NCAPD3: variants seen among roughly 807,000 people sequenced by gnomAD.
NCAPD3 encodes non-SMC condensin II complex subunit D3.
A neutral mutation model predicts 182.9 loss-of-function variants in NCAPD3; 105 were observed. The observed-to-expected ratio is 0.57, with a 90% confidence interval of 0.49 to 0.68. The LOEUF is 0.68. NCAPD3 is among the 30% of genes least tolerant of loss of function. The pLI, the probability that NCAPD3 is intolerant of heterozygous loss-of-function variation, is 0.00. For synonymous variants in NCAPD3, 815 were observed against 679.9 expected, an observed-to-expected ratio of 1.20 and a Z score of -3.09; for missense variants, 1,944 against 1,837.0, an observed-to-expected ratio of 1.06 and a Z score of -1.07.
chr11:134,167,968 G>C, intron 27 of NCAPD3, 28 bp downstream of exon 27: 1 of 1,606,266 alleles, frequency 6.2e-7, no homozygotes, highest in East Asian at 2.2e-5. Flanking sequence ...CTTGTGAGAA[G>C]ATGATCTTAG....
At chr11:134,215,459 T>A (rs1937979340) in intron 3 of NCAPD3, among the ~76,000 whole-genome samples, 1 of 152,230 alleles carries the variant, frequency 6.6e-6, no homozygotes, top group African/African-American at 2.4e-5. Context: ...GGCAAGGTTC[T>A]AGGATAGAAG....
rs140451768 is a variant in NCAPD3 at position 134,218,385 on chromosome 11, G to A, written c.220-1287C>T. Among the ~76,000 whole-genome samples the A allele has an allele frequency of 1.8e-3, 271 of 152,088 alleles. 1 individual carries two copies. The highest frequency in any genetic ancestry group is 3.4e-3 in the Middle Eastern group (1 of 294). Reference sequence around the variant, plus strand: ...TCTGTCCTGGCTGCTTCTCACCCTCGGTGATCTCATGCATCACTGTGCTTC... The same window carrying A: ...TCTGTCCTGGCTGCTTCTCACCCTCAGTGATCTCATGCATCACTGTGCTTC... On this transcript the variant is annotated intron_variant, in intron 2 of 34. Coordinates refer to ENST00000534548, the MANE Select transcript of NCAPD3 (RefSeq NM_015261.3).
intron 27 of NCAPD3, among the ~76,000 whole-genome samples, chr11:134,163,188 G>C (rs1043554920): frequency 6.6e-6 from 1 of 152,164 alleles, no homozygotes; most frequent in Non-Finnish European, 1.5e-5. Context: ...GAAGCCACCA[G>C]CATAGTTTTT....
intron 29 of NCAPD3, 23 bp from the exon 30 acceptor site, chr11:134,158,518 T>C (rs769792156): frequency 4.4e-5 from 71 of 1,606,426 alleles, no homozygotes; most frequent in Non-Finnish European, 5.7e-5. Context: ...ATAAAGAGTA[T>C]GTACATTCTA....
At chr11:134,172,504 CTTG>C (rs915821014) in intron 24 of NCAPD3, among the ~76,000 whole-genome samples, 2 of 152,200 alleles carry the variant, frequency 1.3e-5, no homozygotes, top group African/African-American at 2.4e-5. Flanking sequence ...CCAGGCCATC[CTTG>C]TTGTTGCCCC....
chr11:134,191,185 C>T (rs1300469521), intron 16 of NCAPD3, among the ~76,000 whole-genome samples: 1 of 152,102 alleles, frequency 6.6e-6, no homozygotes, highest in African/African-American at 2.4e-5. Context: ...AATAATGAGC[C>T]CATGTTTGTT....
chr11:134,208,667 A>G (rs1220913107), intron 7 of NCAPD3, among the ~76,000 whole-genome samples, 197 bp downstream of exon 7: 1 of 152,218 alleles, frequency 6.6e-6, no homozygotes, highest in African/African-American at 2.4e-5. Context: ...CCAAGTATTC[A>G]GATATAAAGT....
chr11:134,162,150 AGAAACATGTT>A (rs1943600754), intron 27 of NCAPD3, among the ~76,000 whole-genome samples: 1 of 152,252 alleles, frequency 6.6e-6, no homozygotes, highest in South Asian at 2.1e-4. Context: ...AAAAAGAATT[AGAAACATGTT>A]GAGTAGCTTT....
At chr11:134,162,745 T>A (rs1010751528) in intron 27 of NCAPD3, among the ~76,000 whole-genome samples, 1 of 152,216 alleles carries the variant, frequency 6.6e-6, no homozygotes, top group Non-Finnish European at 1.5e-5. Flanking sequence ...TGCATTCACT[T>A]GACAAGTATT....
At chr11:134,166,359 A>T (rs1280612706) in intron 27 of NCAPD3, among the ~76,000 whole-genome samples, 1 of 10,498 alleles carries the variant, frequency 9.5e-5, no homozygotes, top group Non-Finnish European at 1.4e-4. Context: ...TTGGGGGAGC[A>T]GCACACTCAC....
chr11:134,223,461 C>CA, intron 1 of NCAPD3: 1 of 702,534 alleles, frequency 1.4e-6, no homozygotes, highest in Non-Finnish European at 2.6e-6. Context: ...ATGATGTCTG[C>CA]ATGTGAGACA....
chr11:134,216,648 T>TA (rs1379187045), intron 3 of NCAPD3, among the ~76,000 whole-genome samples: 1 of 152,198 alleles, frequency 6.6e-6, no homozygotes, highest in African/African-American at 2.4e-5. Flanking sequence ...ATCAGAATTT[T>TA]AGACGGCCGT....
At chr11:134,177,188 G>T in intron 23 of NCAPD3, 31 bp downstream of exon 23, 1 of 1,508,444 alleles carries the variant, frequency 6.6e-7, no homozygotes, top group South Asian at 1.1e-5. Context: ...AATGGTGAAG[G>T]GGAAAGGACA....
chr11:134,161,812 G>T lies in NCAPD3; in HGVS notation c.3653C>A (p.Pro1218Gln), dbSNP rs1450749968. 6.3e-7 allele frequency: 1 copy of T among 1,589,050 alleles called. No homozygotes were observed. Among genetic ancestry groups the T allele is most frequent in the Admixed American group, 1.7e-5 (1 of 58,354 alleles). Reference sequence around the variant, plus strand: ...ATAGTGCATGAGTTCCCGCAAAGCTGGGATCTTATTTTTCTCCAGCACAGT... The same window carrying T: ...ATAGTGCATGAGTTCCCGCAAAGCTTGGATCTTATTTTTCTCCAGCACAGT... ...LKTVLEKNKI[P>Q]ALRELMHYLR... is the part of the protein sequence containing the mutation. The change falls in exon 28 of 35, where the codon CCA becomes CAA. Residue 1218 changes from proline (P) to glutamine (Q), a missense_variant. By Grantham distance (76) the Pro-to-Gln change is moderately conservative. Transcript: ENST00000534548.
At chr11:134,225,355 C>A, upstream of NCAPD3, 2 of 1,612,672 alleles carry the variant, frequency 1.2e-6, no homozygotes, top group Non-Finnish European at 1.7e-6. Flanking sequence ...GGTGAGTCGA[C>A]CCCCGGGACC....
intron 19 of NCAPD3, among the ~76,000 whole-genome samples, chr11:134,184,028 T>C (rs1944348499): frequency 1.3e-5 from 2 of 152,246 alleles, no homozygotes; most frequent in South Asian, 4.1e-4. Flanking sequence ...AAATATATGG[T>C]AATAAAATTA....
intron 32 of NCAPD3, among the ~76,000 whole-genome samples, chr11:134,154,376 C>G (rs1943354904): frequency 6.6e-6 from 1 of 152,110 alleles, no homozygotes; most frequent in Non-Finnish European, 1.5e-5. Flanking sequence ...GCTGCCTTTA[C>G]AGACTCACCT....
intron 27 of NCAPD3, among the ~76,000 whole-genome samples, chr11:134,163,885 A>G (rs1318274157): frequency 1.4e-4 from 21 of 150,606 alleles, no homozygotes; most frequent in Admixed American, 1.1e-3. Flanking sequence ...AAAAAAAAAA[A>G]AAAAAAAGAA....
intron 12 of NCAPD3, 60 bp from the exon 13 acceptor site, chr11:134,202,965 G>T: frequency 1.5e-6 from 2 of 1,354,176 alleles, no homozygotes; most frequent in Non-Finnish European, 2.1e-6. Flanking sequence ...AATAACATTA[G>T]CAGGGCATGT....
Sources: gnomAD v4.1 joint callset for allele counts (sites outside exome capture counted in the v4.1 genomes callset) on GRCh38, gnomAD v4.1.1 for gene constraint, MANE v1.5 for transcripts, NCBI Gene and HGNC (gene_info 2026-07-23, HGNC 2026-07-21) for gene names.